Variants in EXTL3 observed in about 807,000 individuals in gnomAD.
The protein encoded by EXTL3 is exostosin like glycosyltransferase 3, also known as exostosin-like 3.
EXTL3 carries 27 observed loss-of-function variants against 69.3 expected under a neutral mutation model. That is an observed-to-expected ratio of 0.39 (90% CI 0.29 to 0.54). The LOEUF is 0.54. Among genes scored for constraint, EXTL3 ranks in the 20% least tolerant of loss-of-function variants. EXTL3 has a pLI of 0.69. For missense variants in EXTL3, 1,003 were observed against 1,231.8 expected, an observed-to-expected ratio of 0.81 and a Z score of 2.78; for synonymous variants, 511 against 499.4, an observed-to-expected ratio of 1.02 and a Z score of -0.31.
chr8:28,713,457 G>A lies in EXTL3; in HGVS notation c.-569G>A. On this transcript the variant is annotated splice_region_variant and 5_prime_UTR_variant, in exon 2 of 7. Transcript: ENST00000220562. The stretch of plus-strand genomic sequence containing the variant: ...TTTTTTGTTTTTTTTTTTAAATCAG[G>A]AGAGCAAGCCCTGGAGGTTCACTCT... The A allele has an allele frequency of 1.5e-6, 1 of 678,262 alleles. No individual in the cohort carries two copies. 42.0% of individuals were successfully genotyped at this position (678,262 alleles called of 1,614,324 possible). A position where few individuals can be genotyped will look rare whatever the true frequency, so the allele number is the denominator to read the frequency against.
upstream of EXTL3, chr8:28,700,180 T>G (rs573639647): frequency 1.2e-4 from 18 of 152,302 alleles, no homozygotes; most frequent in African/African-American, 3.6e-4. Flanking sequence ...GGGTTGCATA[T>G]GTACACATAT....
intron 1 of EXTL3, among the ~76,000 whole-genome samples, chr8:28,660,367 CAA>C (rs748941796): frequency 8.8e-5 from 10 of 114,068 alleles, no homozygotes; most frequent in Admixed American, 9.3e-5. Context: ...ACCTTGTCTC[CAA>C]AAAAAAAAAA....
intron 1 of EXTL3, among the ~76,000 whole-genome samples, chr8:28,649,018 G>T (rs1171225247): frequency 6.6e-6 from 1 of 152,032 alleles, no homozygotes; most frequent in Non-Finnish European, 1.5e-5. Flanking sequence ...TCTGCCTCCT[G>T]AGTAGCTGGG....
chr8:28,643,707 C>G (rs911802615), intron 1 of EXTL3, among the ~76,000 whole-genome samples: 16 of 152,006 alleles, frequency 1.1e-4, no homozygotes, highest in African/African-American at 3.6e-4. Context: ...CGTGAGCCAC[C>G]GCGCCTGGCC....
At chr8:28,737,219 T>A (rs1342575728) in intron 4 of EXTL3, among the ~76,000 whole-genome samples, 2 of 152,228 alleles carry the variant, frequency 1.3e-5, no homozygotes, top group Admixed American at 1.3e-4. Context: ...TTAGTAGATA[T>A]TGTACATACC....
At chr8:28,693,294 C>T (rs964302598) in intron 1 of EXTL3, among the ~76,000 whole-genome samples, 8 of 151,902 alleles carry the variant, frequency 5.3e-5, no homozygotes, top group East Asian at 1.9e-4. Flanking sequence ...GGATTACAGG[C>T]GCCCGCCACC....
At chr8:28,649,537 C>T (rs1233748663) in intron 1 of EXTL3, among the ~76,000 whole-genome samples, 1 of 152,086 alleles carries the variant, frequency 6.6e-6, no homozygotes, top group African/African-American at 2.4e-5. Flanking sequence ...ATGATCTGTT[C>T]ATATTCTTTG....
At chr8:28,676,318 C>G (rs1807381700) in intron 1 of EXTL3, among the ~76,000 whole-genome samples, 1 of 152,174 alleles carries the variant, frequency 6.6e-6, no homozygotes, top group Admixed American at 6.5e-5. Context: ...TGTGATTGCT[C>G]TTGTCTATAG....
intron 1 of EXTL3, among the ~76,000 whole-genome samples, chr8:28,645,687 TTCTC>T (rs992349236): frequency 2.0e-5 from 3 of 152,142 alleles, no homozygotes; most frequent in East Asian, 1.9e-4. Flanking sequence ...TCTAAAGTTA[TTCTC>T]TCTGTTTTTT....
intron 1 of EXTL3, among the ~76,000 whole-genome samples, chr8:28,675,344 A>G (rs987318076): frequency 6.6e-6 from 1 of 152,216 alleles, no homozygotes; most frequent in Non-Finnish European, 1.5e-5. Flanking sequence ...ACACTTGCTG[A>G]CATCAAGGCA....
chr8:28,670,455 C>T (rs897225378), intron 1 of EXTL3, among the ~76,000 whole-genome samples: 12 of 152,102 alleles, frequency 7.9e-5, no homozygotes, highest in Non-Finnish European at 1.6e-4. Flanking sequence ...AGTTGGATGG[C>T]TGGAGACCCA....
In EXTL3 at chr8:28,753,993, C is replaced by T. The variant is rs1254990428; in HGVS notation, c.*3127C>T. The T allele has an allele frequency of 6.6e-6, 1 of 151,986 alleles. No homozygotes were observed. The highest frequency in any genetic ancestry group is 2.4e-5 in the African/African-American group (1 of 41,114). 9.4% of individuals were successfully genotyped at this position (151,986 alleles called of 1,614,324 possible). ...GCAGGATGTGGAAGGGCATGTGGCC[C>T]ATATATGCAAAGTTAATTTTTTCAT... On this transcript the variant is annotated 3_prime_UTR_variant, in exon 7 of 7. Transcript: ENST00000220562.
intron 1 of EXTL3, among the ~76,000 whole-genome samples, chr8:28,671,796 G>A (rs1807298849): frequency 6.6e-6 from 1 of 152,170 alleles, no homozygotes; most frequent in African/African-American, 2.4e-5. Flanking sequence ...GGGAACCCTA[G>A]AAAAATAACA....
At chr8:28,662,691 ATAAT>A in intron 1 of EXTL3, among the ~76,000 whole-genome samples, 1 of 152,286 alleles carries the variant, frequency 6.6e-6, no homozygotes, top group Non-Finnish European at 1.5e-5. Flanking sequence ...AGGCGGGTGG[ATAAT>A]TAGAGTCCAG....
At chr8:28,696,267 T>A (rs1434652609) in intron 1 of EXTL3, 1 of 152,160 alleles carries the variant, frequency 6.6e-6, no homozygotes, top group Non-Finnish European at 1.5e-5. Context: ...ATGAGAAGTG[T>A]AAGCTTGATG....
In EXTL3 at chr8:28,650,460, C is replaced by T. The variant is rs189572657; in HGVS notation, c.-53+27650C>T. Among the ~76,000 whole-genome samples the T allele has an allele frequency of 1.3e-3, 198 of 151,810 alleles. 1 individual carries two copies. Among genetic ancestry groups the T allele is most frequent in the African/African-American group, 4.6e-3 (191 of 41,418 alleles). On this transcript the variant is annotated intron_variant, in intron 1 of 6. Transcript: ENST00000523149. ...GCAACCTCTGCCTCCTGGGTTCAAG[C>T]GATTCTCCTGCCTCAGCCTCCCGAG... is the stretch of plus-strand genomic sequence containing the variant.
At chr8:28,658,161 C>T (rs1470090893) in intron 1 of EXTL3, among the ~76,000 whole-genome samples, 1 of 152,044 alleles carries the variant, frequency 6.6e-6, no homozygotes, top group African/African-American at 2.4e-5. Flanking sequence ...CTGTTCAGAG[C>T]CAGCCAAAGC....
At chr8:28,727,885 C>T (rs114122527) in intron 3 of EXTL3, among the ~76,000 whole-genome samples, 1 of 152,358 alleles carries the variant, frequency 6.6e-6, no homozygotes, top group African/African-American at 2.4e-5. Flanking sequence ...CTTCGCCTCA[C>T]ACTTTGAACT....
chr8:28,695,284 A>G lies in EXTL3; in HGVS notation c.-52-18173A>G, dbSNP rs371581154. ...GCTGGGATTACAGGCACCCACCACCATGCCCGGCTAATTTTTGTATTTTTA... is the reference window on the plus strand; with the variant it reads ...GCTGGGATTACAGGCACCCACCACCGTGCCCGGCTAATTTTTGTATTTTTA... On this transcript the variant is annotated intron_variant, in intron 1 of 6. Coordinates refer to the EXTL3 transcript ENST00000523149. 3.3e-5 allele frequency among the ~76,000 whole-genome samples: 5 copies of G among 151,978 alleles called. No individual in the cohort carries two copies. In the South Asian group the frequency reaches 6.3e-4, roughly 19 times the overall value.
Sources: allele counts gnomAD v4.1 joint callset (sites outside exome capture counted in the v4.1 genomes callset), GRCh38; gene constraint gnomAD v4.1.1; transcripts MANE v1.5; gene names NCBI Gene and HGNC (gene_info 2026-07-23, HGNC 2026-07-21).